SIPA1L1: variants seen among roughly 807,000 people sequenced by gnomAD.
SIPA1L1 encodes signal-induced proliferation-associated 1-like protein 1.
SIPA1L1 carries 26 observed loss-of-function variants against 162.7 expected under a neutral mutation model. That is an observed-to-expected ratio of 0.16 (90% CI 0.12 to 0.22). SIPA1L1 has a LOEUF of 0.22. SIPA1L1 is among the 10% of genes least tolerant of loss of function. SIPA1L1 has a pLI of 1.00. For synonymous variants in SIPA1L1, 829 were observed against 837.4 expected (o/e 0.99, Z 0.17); for missense variants, 1,874 against 2,241.0 (o/e 0.84, Z 3.31).
intron 4 of SIPA1L1, among the ~76,000 whole-genome samples, chr14:71,543,857 C>T (rs1456213463): frequency 2.1e-5 from 3 of 143,784 alleles, no homozygotes; most frequent in African/African-American, 8.0e-5. Flanking sequence ...TGTATATATA[C>T]ATATATCATA....
intron 4 of SIPA1L1, among the ~76,000 whole-genome samples, chr14:71,537,119 T>G (rs1391881244): frequency 1.3e-5 from 2 of 152,228 alleles, no homozygotes; most frequent in Non-Finnish European, 2.9e-5. Context: ...CATCCCTGTT[T>G]ATTTACTTCT....
Position 71,496,719 on chromosome 14 carries a change from GTCTC to G in SIPA1L1, c.-464-16019_-464-16016del, listed in dbSNP as rs939009905. ...TGAAGTCTTCAATTATTAATGAATT[GTCTC>G]TCTCAGTTCTGTTTCATTTGTTTTG... On this transcript the variant is annotated intron_variant, in intron 2 of 23. Coordinates refer to ENST00000381232, the MANE Select transcript of SIPA1L1 (RefSeq NM_001386936.1). Among the ~76,000 whole-genome samples, 9 of 144,384 alleles carry G rather than the reference GTCTC, an allele frequency of 6.2e-5. No individual in the cohort carries two copies. In the South Asian group the frequency reaches 6.4e-4, roughly 10 times the overall value. 94.7% of individuals were successfully genotyped at this position (144,384 alleles called of 152,430 possible). A position where few individuals can be genotyped will look rare whatever the true frequency, so the allele number is the denominator to read the frequency against.
chr14:71,510,119 C>G (rs1376516996), intron 2 of SIPA1L1, among the ~76,000 whole-genome samples: 1 of 148,980 alleles, frequency 6.7e-6, no homozygotes, highest in Non-Finnish European at 1.5e-5. Context: ...AATCTTTTCT[C>G]TTTATACAGC....
At chr14:71,544,109 A>G (rs1464812562) in intron 4 of SIPA1L1, among the ~76,000 whole-genome samples, 1 of 151,568 alleles carries the variant, frequency 6.6e-6, no homozygotes, top group Non-Finnish European at 1.5e-5. Flanking sequence ...ACATGTATGT[A>G]TATACACATA....
chr14:71,358,547 C>T (rs1314869340), intron 2 of SIPA1L1, among the ~76,000 whole-genome samples: 4 of 152,214 alleles, frequency 2.6e-5, no homozygotes, highest in Non-Finnish European at 5.9e-5. Context: ...ACCCTGACCC[C>T]GTCCTGTTTA....
At chr14:71,728,950 G>A (rs956396016) in intron 19 of SIPA1L1, among the ~76,000 whole-genome samples, 4 of 152,122 alleles carry the variant, frequency 2.6e-5, no homozygotes, top group Non-Finnish European at 4.4e-5. Flanking sequence ...TGGTCACAGA[G>A]GCAAAAGATA....
Position 71,326,439 on chromosome 14 carries a change from C to T in SIPA1L1, c.-465+5258C>T, listed in dbSNP as rs113894304. 3.2e-3 allele frequency among the ~76,000 whole-genome samples: 481 copies of T among 152,036 alleles called. 4 individuals carry two copies. Among genetic ancestry groups the T allele is most frequent in the Middle Eastern group, 0.027 (8 of 294 alleles). ...GGCCAGGCTGGTCTCAAACTCCTGA[C>T]CTTAGGTGATCCGCCTGCCTCAGCC... On this transcript the variant is annotated intron_variant, in intron 2 of 23. Coordinates refer to ENST00000381232, the MANE Select transcript of SIPA1L1 (RefSeq NM_001386936.1).
At chr14:71,380,708 A>C (rs1365928535) in intron 2 of SIPA1L1, among the ~76,000 whole-genome samples, 1 of 152,210 alleles carries the variant, frequency 6.6e-6, no homozygotes, top group African/African-American at 2.4e-5. Context: ...CTTGGGAAGC[A>C]GGGAAATGAT....
intron 2 of SIPA1L1, among the ~76,000 whole-genome samples, chr14:71,508,716 A>C (rs1298699303): frequency 6.6e-6 from 1 of 152,022 alleles, no homozygotes; most frequent in Non-Finnish European, 1.5e-5. Flanking sequence ...TTCTTGAGGG[A>C]ATTTATTATA....
chr14:71,428,869 G>A (rs1438932492), intron 2 of SIPA1L1, among the ~76,000 whole-genome samples: 1 of 152,230 alleles, frequency 6.6e-6, no homozygotes, highest in Non-Finnish European at 1.5e-5. Context: ...TGGGGTAGAT[G>A]ATGGGTAGCT....
chr14:71,559,503 G>T (rs150578883), intron 4 of SIPA1L1, among the ~76,000 whole-genome samples: 1,722 of 152,306 alleles, frequency 0.011, 35 homozygotes, highest in African/African-American at 0.04. Context: ...CAGGATTGTT[G>T]TAAAATATTG....
intron 7 of SIPA1L1, among the ~76,000 whole-genome samples, chr14:71,637,797 G>A (rs1220136528): frequency 6.6e-6 from 1 of 152,068 alleles, no homozygotes; most frequent in Non-Finnish European, 1.5e-5. Context: ...ATAGGGTTCG[G>A]TACTATCCAT....
intron 12 of SIPA1L1, among the ~76,000 whole-genome samples, chr14:71,675,825 G>T (rs561114871): frequency 2.0e-5 from 3 of 152,262 alleles, no homozygotes; most frequent in African/African-American, 7.2e-5. Context: ...CACAAGCAAG[G>T]GGGTGCGGGA....
intron 2 of SIPA1L1, among the ~76,000 whole-genome samples, chr14:71,345,639 T>A (rs2140486139): frequency 6.6e-6 from 1 of 150,898 alleles, no homozygotes; most frequent in Non-Finnish European, 1.5e-5. Context: ...AGTGGCGCGA[T>A]CTTGGCTCAC....
At chr14:71,566,151 C>T (rs1722673839) in intron 4 of SIPA1L1, among the ~76,000 whole-genome samples, 1 of 151,972 alleles carries the variant, frequency 6.6e-6, no homozygotes, top group Non-Finnish European at 1.5e-5. Flanking sequence ...TTTTGTAGTA[C>T]ACCAGTAACG....
intron 12 of SIPA1L1, 30 bp from the exon 13 acceptor site, chr14:71,685,330 TTG>T (rs1191857950): frequency 6.2e-7 from 1 of 1,608,688 alleles, no homozygotes; most frequent in Non-Finnish European, 8.5e-7. Flanking sequence ...GCAGTATCCA[TTG>T]TGTTTCTCCC....
At chr14:71,501,389 A>G (rs1208123837) in intron 2 of SIPA1L1, among the ~76,000 whole-genome samples, 5 of 152,168 alleles carry the variant, frequency 3.3e-5, no homozygotes, top group Non-Finnish European at 7.4e-5. Context: ...CCTCTGTAGT[A>G]TTTTGCTTTC....
At chr14:71,735,465 A>G in intron 22 of SIPA1L1, 74 bp downstream of exon 22, 1 of 1,051,258 alleles carries the variant, frequency 9.5e-7, no homozygotes, top group Admixed American at 1.8e-5. Context: ...TGGGGAGAAG[A>G]GATGGAAGCC....
intron 2 of SIPA1L1, among the ~76,000 whole-genome samples, chr14:71,354,060 T>G (rs1355165631): frequency 6.6e-6 from 1 of 152,070 alleles, no homozygotes; most frequent in Admixed American, 6.6e-5. Context: ...TTTTTCCCCG[T>G]TTCTCTGAGG....
Sources: allele counts gnomAD v4.1 joint callset (sites outside exome capture counted in the v4.1 genomes callset), GRCh38; gene constraint gnomAD v4.1.1; transcripts MANE v1.5; gene names NCBI Gene and HGNC (gene_info 2026-07-23, HGNC 2026-07-21).